TEX15: variants seen among roughly 807,000 people sequenced by gnomAD.
TEX15 encodes testis-expressed protein 15.
In TEX15, 171 loss-of-function variants were observed where a neutral mutation model predicts 237.3. The ratio of observed to expected loss-of-function variants is 0.72; its 90% CI spans 0.64 to 0.82. The LOEUF is 0.82. Ranked by LOEUF, TEX15 falls within the 40% of genes least tolerant of loss-of-function variation. TEX15 has a pLI of 0.00. For synonymous variants in TEX15, 1,338 were observed against 1,269.8 expected, an observed-to-expected ratio of 1.05 and a Z score of -1.14; for missense variants, 3,750 against 3,646.5, an observed-to-expected ratio of 1.03 and a Z score of -0.73.
intron 3 of TEX15, among the ~76,000 whole-genome samples, chr8:30,880,919 CCTTT>C (rs1426943588): frequency 2.0e-5 from 3 of 151,650 alleles, no homozygotes; most frequent in Non-Finnish European, 4.4e-5. Context: ...TCCAAGTTTT[CCTTT>C]CTTTTTTTTT....
Position 30,842,123 on chromosome 8 carries a change from C to CT in TEX15, c.8043dup (p.Glu2682ArgfsTer12). 4 of 1,613,592 alleles carry CT rather than the reference C, an allele frequency of 2.5e-6. No homozygotes were observed. Among genetic ancestry groups the CT allele is most frequent in the Non-Finnish European group, 3.4e-6 (4 of 1,179,746 alleles). Reference sequence around the variant, plus strand: ...TTTGAGATGTTTTTGTTTATGCACTCTGATACTGGGGGCAACATCGTAGAA... The same window carrying CT: ...TTTGAGATGTTTTTGTTTATGCACTCTTGATACTGGGGGCAACATCGTAGAA... On this transcript the variant is annotated frameshift_variant, in exon 8 of 11. Coordinates refer to ENST00000643185, the MANE Select transcript of TEX15 (RefSeq NM_001350162.2). LOFTEE classifies it high-confidence loss of function.
intron 7 of TEX15, among the ~76,000 whole-genome samples, chr8:30,858,313 CTTTT>C (rs869053902): frequency 2.8e-5 from 4 of 143,626 alleles, no homozygotes; most frequent in African/African-American, 1.0e-4. Flanking sequence ...TTATCTTTTT[CTTTT>C]TTTTTTTTTG....
chr8:30,874,952 T>C lies in TEX15; in HGVS notation c.287A>G (p.Asn96Ser). ...AGTAACTTACCTCTTAGCAGTAAAA[T>C]TTTTTTCCAGTTCCTCATTGTGAAC... The part of the protein sequence containing the change: ...KLVHNEELEK[N>S]FTAKRSEMRE... Residue 96 changes from asparagine to serine, a missense_variant, in exon 4 of 11, where the codon AAT becomes AGT. Physicochemically the swap from Asn to Ser is conservative, Grantham distance 46 (BLOSUM62 1). Transcript: ENST00000643185. The C allele has an allele frequency of 1.5e-6, 2 of 1,337,306 alleles. No individual in the cohort carries two copies. The highest frequency in any genetic ancestry group is 1.9e-6 in the Non-Finnish European group (2 of 1,044,354). The allele number at this position is 1,337,306 out of a possible 1,614,324, so 82.8% of individuals were successfully genotyped here.
At chr8:30,899,997 A>G (rs1808977816) in intron 1 of TEX15, among the ~76,000 whole-genome samples, 1 of 152,208 alleles carries the variant, frequency 6.6e-6, no homozygotes, top group South Asian at 2.1e-4. Context: ...GGTAACTTTT[A>G]TTGGTGAAAC....
At chr8:30,874,052 T>C (rs773845532) in intron 4 of TEX15, among the ~76,000 whole-genome samples, 2 of 152,166 alleles carry the variant, frequency 1.3e-5, no homozygotes, top group African/African-American at 2.4e-5. Context: ...GTTTTTCAAC[T>C]TGGAAGTCAT....
chr8:30,852,429 G>T (rs1479649496), intron 7 of TEX15, among the ~76,000 whole-genome samples: 10 of 152,074 alleles, frequency 6.6e-5, no homozygotes, highest in Non-Finnish European at 4.4e-5. Context: ...CCATTTTACT[G>T]ATGAGGAAGT....
At chr8:30,875,821 T>A (rs1808389771) in intron 3 of TEX15, among the ~76,000 whole-genome samples, 1 of 151,926 alleles carries the variant, frequency 6.6e-6, no homozygotes, top group Admixed American at 6.6e-5. Context: ...TTTTTTTTTT[T>A]TTTCCTTAGA....
At chr8:30,885,992 A>G (rs1014334059) in intron 3 of TEX15, among the ~76,000 whole-genome samples, 2 of 152,138 alleles carry the variant, frequency 1.3e-5, no homozygotes, top group African/African-American at 4.8e-5. Context: ...TGCTTGTCCA[A>G]GTATCTTCAT....
rs61732456 is a variant in TEX15, at chr8:30,844,192, T to C, written c.5975A>G (p.Asn1992Ser). 2.4e-3 allele frequency: 3,878 copies of C among 1,612,092 alleles called. 93 individuals are homozygous for C. The African/African-American group carries it at 0.045, about 19-fold the overall frequency. ...TAGATTAGCTATAAGGGCCGTATGA[T>C]TAGCTGAGCAATGTTTTTCTTTAAA... Reference protein sequence around the residue: ...SDFKEKHCSANHTALIANLSQ... With the variant: ...SDFKEKHCSASHTALIANLSQ... The change falls in exon 8 of 11, where the codon AAT (asparagine) becomes AGT (serine). Residue 1992 changes from asparagine (N) to serine (S), a missense_variant. Physicochemically the swap from Asn to Ser is conservative, Grantham distance 46. Coordinates refer to ENST00000643185, the MANE Select transcript of TEX15 (RefSeq NM_001350162.2).
chr8:30,879,637 G>T (rs1808476731), intron 3 of TEX15, among the ~76,000 whole-genome samples: 1 of 152,194 alleles, frequency 6.6e-6, no homozygotes, highest in African/African-American at 2.4e-5. Flanking sequence ...ACAGATCTGT[G>T]TGTCTATTTC....
intron 3 of TEX15, among the ~76,000 whole-genome samples, chr8:30,880,752 G>C (rs1347004510): frequency 6.6e-6 from 1 of 151,138 alleles, no homozygotes; most frequent in Non-Finnish European, 1.5e-5. Flanking sequence ...GTTAAGTTCT[G>C]GGGGAGTGAG....
rs1807183752 is a variant in TEX15, at chr8:30,831,742, A to T, written c.*1544T>A. On this transcript the variant is annotated 3_prime_UTR_variant, in exon 11 of 11. Coordinates refer to ENST00000643185, the MANE Select transcript of TEX15 (RefSeq NM_001350162.2). Reference sequence around the variant, plus strand: ...ATATTTAACTTTTGGTTTACATATTAGTAGTAGTATTAACTATAAATGCTG... The same window carrying T: ...ATATTTAACTTTTGGTTTACATATTTGTAGTAGTATTAACTATAAATGCTG... 1 of 152,250 alleles carries T rather than the reference A, an allele frequency of 6.6e-6. No homozygotes were observed. The highest frequency in any genetic ancestry group is 2.1e-4 in the South Asian group (1 of 4,838). 9.4% of individuals were successfully genotyped at this position (152,250 alleles called of 1,614,324 possible).
intron 3 of TEX15, among the ~76,000 whole-genome samples, chr8:30,881,495 G>A (rs1808519137): frequency 6.6e-6 from 1 of 151,762 alleles, no homozygotes; most frequent in African/African-American, 2.4e-5. Flanking sequence ...CTTGATAGTG[G>A]TAATTTATGG....
intron 2 of TEX15, among the ~76,000 whole-genome samples, chr8:30,892,746 T>G (rs552245592): frequency 6.6e-6 from 1 of 152,150 alleles, no homozygotes; most frequent in East Asian, 1.9e-4. Context: ...TTTAAAATGA[T>G]GTTGTAGCTG....
chr8:30,904,216 G>A (rs956027195), intron 1 of TEX15, among the ~76,000 whole-genome samples: 2 of 152,202 alleles, frequency 1.3e-5, no homozygotes, highest in Admixed American at 1.3e-4. Flanking sequence ...GGAGGCTCAG[G>A]TGGGTGGATC....
At position 30,842,477 on chromosome 8, in the gene TEX15, T is replaced by C. The variant is rs1158752893; in HGVS notation, c.7690A>G (p.Thr2564Ala). Residue 2564 changes from threonine to alanine, a missense_variant, in exon 8 of 11, where the codon ACA becomes GCA. By Grantham distance (58) the Thr-to-Ala change is moderately conservative. Coordinates refer to ENST00000643185, the MANE Select transcript of TEX15 (RefSeq NM_001350162.2). ...LLKKSKYFIS[T>A]YIDFVPYIAS... ...ATATATGGCACAAAGTCAATATATGTGGAAATAAAATACTTGGACTTCTTC... is the reference window on the plus strand; with the variant it reads ...ATATATGGCACAAAGTCAATATATGCGGAAATAAAATACTTGGACTTCTTC... The C allele has an allele frequency of 6.2e-7, 1 of 1,613,194 alleles. No homozygotes were observed. Among genetic ancestry groups the C allele is most frequent in the South Asian group, 1.1e-5 (1 of 90,910 alleles).
chr8:30,860,131 A>G, intron 5 of TEX15, 74 bp from the exon 6 acceptor site: 5 of 1,250,684 alleles, frequency 4.0e-6, no homozygotes, highest in Non-Finnish European at 5.3e-6. Flanking sequence ...CATTTCAAAC[A>G]TAAAAGGCTA....
chr8:30,860,493 A>T (rs1434373584), intron 5 of TEX15, among the ~76,000 whole-genome samples: 2 of 151,780 alleles, frequency 1.3e-5, no homozygotes, highest in African/African-American at 4.8e-5. Flanking sequence ...CAACATGGCA[A>T]TTATGTCAAT....
At chr8:30,872,709 GTGTT>G (rs1053837569) in intron 4 of TEX15, among the ~76,000 whole-genome samples, 3 of 151,906 alleles carry the variant, frequency 2.0e-5, no homozygotes, top group Non-Finnish European at 4.4e-5. Flanking sequence ...GCTTATGTGT[GTGTT>G]TGTGTCTTAA....
Sources: allele counts gnomAD v4.1 joint callset (sites outside exome capture counted in the v4.1 genomes callset), GRCh38; gene constraint gnomAD v4.1.1; transcripts MANE v1.5; gene names NCBI Gene and HGNC (gene_info 2026-07-23, HGNC 2026-07-21).